CD5: variants seen among roughly 807,000 people sequenced by gnomAD.
The protein encoded by CD5 is CD5 molecule.
In CD5, 36 loss-of-function variants were observed where a neutral mutation model predicts 60.3. The observed-to-expected ratio is 0.60, with a 90% confidence interval of 0.46 to 0.79. CD5 has a LOEUF of 0.79. CD5 is among the 30% of genes least tolerant of loss of function. The pLI, the probability that CD5 is intolerant of heterozygous loss-of-function variation, is 0.00. For synonymous variants in CD5, 230 were observed against 257.6 expected (o/e 0.89, Z 1.03); for missense variants, 540 against 630.6 (o/e 0.86, Z 1.54).
rs1400342458 is a variant in CD5 at position 61,118,084 on chromosome 11, C to T, written c.95-91C>T. 3.6e-6 allele frequency: 5 copies of T among 1,372,284 alleles called. No homozygotes were observed. In the East Asian group the frequency reaches 1.2e-4, roughly 32 times the overall value. The allele number at this position is 1,372,284 out of a possible 1,614,324, so 85.0% of individuals were successfully genotyped here. ...AGGCAGCCCACGGGGCAGGAGGGAG[C>T]TCAACTGGGCGTCCTAGGGAGAGGG... On this transcript the variant is annotated intron_variant, in intron 2 of 10. Transcript: ENST00000347785. This position sits in a 1 kb window ranked among gnomAD's most constrained non-coding sequence, Gnocchi z 4.7.
In CD5 at chr11:61,125,761, G is replaced by A. The variant is rs1398300354; in HGVS notation, c.1410G>A (p.Gly470=). Residue 470 remains glycine (G), a synonymous_variant, in exon 10 of 11, where the codon GGG becomes GGA. Transcript: ENST00000347785. Reference sequence around the variant, plus strand: ...CCTTTCTTTCCCCAGCTCTGGAAGGGGCTCTGCATCGCTCCTCCATGCAGC... The same window carrying A: ...CCTTTCTTTCCCCAGCTCTGGAAGGAGCTCTGCATCGCTCCTCCATGCAGC... The part of the protein sequence containing the change: ...SHLSAYPALE[G]ALHRSSMQPD... 1 of 1,610,512 alleles carries A rather than the reference G, an allele frequency of 6.2e-7. No individual in the cohort carries two copies. The highest frequency in any genetic ancestry group is 8.5e-7 in the Non-Finnish European group (1 of 1,177,608).
upstream of CD5, among the ~76,000 whole-genome samples, chr11:61,100,454 A>T (rs1303587585): frequency 6.8e-6 from 1 of 146,236 alleles, no homozygotes; most frequent in Non-Finnish European, 1.5e-5. Context: ...CAACATGGAG[A>T]TTACACACAC....
chr11:61,098,402 G>T (rs1364480301), upstream of CD5, among the ~76,000 whole-genome samples: 1 of 152,182 alleles, frequency 6.6e-6, no homozygotes, highest in Non-Finnish European at 1.5e-5. Context: ...TAAGGGAGGA[G>T]ACCACCCCTC....
chr11:61,121,460 G>T (rs1861057382), intron 5 of CD5, 151 bp from the exon 6 acceptor site: 1 of 526,082 alleles, frequency 1.9e-6, no homozygotes, highest in Non-Finnish European at 3.1e-6. Context: ...AGGAGGGAAG[G>T]GCAGAAAAGA....
intron 7 of CD5, 74 bp from the exon 8 acceptor site, chr11:61,123,810 C>T (rs1422722259): frequency 2.0e-5 from 12 of 605,788 alleles, no homozygotes; most frequent in Middle Eastern, 4.4e-4. Context: ...GGCCCAGCCC[C>T]ATCCCCACCC....
At chr11:61,113,353 T>A (rs1438445458) in intron 1 of CD5, among the ~76,000 whole-genome samples, 1 of 152,242 alleles carries the variant, frequency 6.6e-6, no homozygotes. Context: ...GCTGCTCTGC[T>A]GAGAGCCCCG....
rs1590773530 is a variant in CD5 at position 61,119,582 on chromosome 11, G to A, written c.805+7G>A. On this transcript the variant is annotated splice_region_variant and intron_variant, in intron 5 of 10. Transcript: ENST00000347785. ...CTTGCCCTCCTTTGCTCAGGTAAGT[G>A]AGACCTGGCCAAGCCCCATGACACC... The A allele has an allele frequency of 2.5e-6, 4 of 1,596,928 alleles. No individual in the cohort carries two copies. Among genetic ancestry groups the A allele is most frequent in the Non-Finnish European group, 3.4e-6 (4 of 1,172,754 alleles).
chr11:61,099,430 T>TTACACACACATCAACATGGAGATCA (rs1860626333), upstream of CD5, among the ~76,000 whole-genome samples: 1 of 77,132 alleles, frequency 1.3e-5, no homozygotes, highest in Non-Finnish European at 2.4e-5. Context: ...AACATGGAGA[T>TTACACACACATCAACATGGAGATCA]CACACACACA....
At chr11:61,104,423 C>T (rs1860749834) in intron 1 of CD5, among the ~76,000 whole-genome samples, 1 of 152,180 alleles carries the variant, frequency 6.6e-6, no homozygotes. Flanking sequence ...TGCTCCTCAC[C>T]TCTGGCCTCA....
rs370508354 is a variant in CD5 at position 61,124,985 on chromosome 11, G to A, written c.1280-47G>A. 5.3e-5 allele frequency: 85 copies of A among 1,611,968 alleles called. 1 individual carries two copies. The highest frequency in any genetic ancestry group is 1.8e-4 in the South Asian group (16 of 90,910). ...CTGGGCACCTGCTGGGGAAGGAGACGGAGGACACAGCCACAAGTCTGACAC... is the reference window on the plus strand; with the variant it reads ...CTGGGCACCTGCTGGGGAAGGAGACAGAGGACACAGCCACAAGTCTGACAC... On this transcript the variant is annotated intron_variant, in intron 8 of 10. Transcript: ENST00000347785.
rs1861142286 is a variant in CD5 at position 61,125,833 on chromosome 11, G to T, written c.1482G>T (p.Arg494Ser). 15 of 1,606,230 alleles carry T rather than the reference G, an allele frequency of 9.3e-6. No individual in the cohort carries two copies. Among genetic ancestry groups the T allele is most frequent in the Non-Finnish European group, 1.3e-5 (15 of 1,175,050 alleles). The change falls in exon 10 of 11, where the codon AGG (arginine) becomes AGT (serine). Residue 494 changes from arginine to serine, a missense_variant. Coordinates refer to ENST00000347785, the MANE Select transcript of CD5 (RefSeq NM_014207.4). ...ACTATGATCTGCATGGGGCTCAGAG[G>T]CTGTAAAGGTGAGCCCGTCTCCAGC... ...DSDYDLHGAQ[R>S]L
At position 61,118,181 on chromosome 11, in the gene CD5, A is replaced by G. The variant is rs1027275648; in HGVS notation, c.101A>G (p.Gln34Arg). The change falls in exon 3 of 11, where the codon CAG becomes CGG. Residue 34 changes from glutamine (Q) to arginine (R), a missense_variant. Transcript: ENST00000347785. The surrounding 1 kb of genome is among the most constrained non-coding windows in gnomAD (Gnocchi z 4.7). ...GRLSWYDPDF[Q>R]ARLTRSNSKC... ...ACACCTTTCTGACCCCCAGATTTCC[A>G]GGCAAGGCTCACCCGTTCCAACTCG... 2.5e-6 allele frequency: 4 copies of G among 1,612,136 alleles called. No individual in the cohort carries two copies. The highest frequency in any genetic ancestry group is 2.5e-6 in the Non-Finnish European group (3 of 1,178,430).
At chr11:61,124,085 C>A (rs1261575665) in intron 8 of CD5, 148 bp downstream of exon 8, 3 of 675,970 alleles carry the variant, frequency 4.4e-6, no homozygotes, top group African/African-American at 1.8e-5. Context: ...GTGACTGTGG[C>A]CAACAGACGT....
chr11:61,123,015 A>G lies in CD5; in HGVS notation c.1208A>G (p.Lys403Arg). The G allele has an allele frequency of 6.2e-7, 1 of 1,613,146 alleles. No homozygotes were observed. The highest frequency in any genetic ancestry group is 1.1e-5 in the South Asian group (1 of 90,888). ...GTCGTGTGCGGCCCCCTTGCCTACAAGAAGCTAGTGAAGAAATGTAGGTGT... is the reference window on the plus strand; with the variant it reads ...GTCGTGTGCGGCCCCCTTGCCTACAGGAAGCTAGTGAAGAAATGTAGGTGT... ...LLVVCGPLAY[K>R]KLVKKFRQKK... The change falls in exon 7 of 11, where the codon AAG (lysine) becomes AGG (arginine). Residue 403 changes from lysine (K) to arginine (R), a missense_variant. Transcript: ENST00000347785.
At position 61,109,964 on chromosome 11, in the gene CD5, G is replaced by A. The variant is rs564835676; in HGVS notation, c.56-5092G>A. The stretch of plus-strand genomic sequence containing the variant: ...CGGGGGCCTCCTGGTCTGGAGTCTC[G>A]GGGATTCTGTCCACAGTTTTGGCAA... On this transcript the variant is annotated intron_variant, in intron 1 of 10. Coordinates refer to ENST00000347785, the MANE Select transcript of CD5 (RefSeq NM_014207.4). Among the ~76,000 whole-genome samples, 10 of 152,148 alleles carry A rather than the reference G, an allele frequency of 6.6e-5. No homozygotes were observed. In the East Asian group the frequency reaches 1.5e-3, roughly 24 times the overall value.
At chr11:61,094,366 C>T in the CD5 span, among the ~76,000 whole-genome samples, 2 of 152,038 alleles carry the variant, frequency 1.3e-5, no homozygotes, top group Admixed American at 6.6e-5. Flanking sequence ...GGAAGCATGG[C>T]CCAATCACCC....
At chr11:61,115,955 C>T (rs368564236) in intron 2 of CD5, among the ~76,000 whole-genome samples, 4 of 152,216 alleles carry the variant, frequency 2.6e-5, no homozygotes, top group South Asian at 2.1e-4. Context: ...GAAGCGGCAA[C>T]GAGCCAGCTC....
chr11:61,127,172 A>G lies in CD5; in HGVS notation c.*887A>G, dbSNP rs536533239. On this transcript the variant is annotated 3_prime_UTR_variant, in exon 11 of 11. Coordinates refer to ENST00000347785, the MANE Select transcript of CD5 (RefSeq NM_014207.4). ...GGCTGGTCATGTTCCTTTGGTTTGA[A>G]TAACTCCCTTGACGAAAACAGACTC... is the stretch of plus-strand genomic sequence containing the variant. 6.6e-6 allele frequency: 1 copy of G among 152,394 alleles called. No individual in the cohort carries two copies. The highest frequency in any genetic ancestry group is 2.1e-4 in the South Asian group (1 of 4,830). The allele number at this position is 152,394 out of a possible 1,614,324, so 9.4% of individuals were successfully genotyped here.
At chr11:61,103,349 C>G (rs1282170546) in intron 1 of CD5, among the ~76,000 whole-genome samples, 2 of 152,158 alleles carry the variant, frequency 1.3e-5, no homozygotes, top group Admixed American at 6.5e-5. Context: ...CTGGATGAGG[C>G]CTGACCCACT....
Sources: allele counts gnomAD v4.1 joint callset (sites outside exome capture counted in the v4.1 genomes callset), GRCh38; gene constraint gnomAD v4.1.1; non-coding constraint Gnocchi (gnomAD v3.1); transcripts MANE v1.5; gene names NCBI Gene and HGNC (gene_info 2026-07-23, HGNC 2026-07-21).